The following NPSR1 variants were observed in gnomAD, a reference collection of about 807,000 sequenced individuals.
NPSR1 encodes neuropeptide S receptor.
A neutral mutation model predicts 46.9 loss-of-function variants in NPSR1; 48 were observed. The observed-to-expected ratio is 1.02, with a 90% CI of 0.81 to 1.30. The LOEUF (loss-of-function observed/expected upper bound fraction) is 1.30. Among genes scored for constraint, NPSR1 ranks in the 50% most tolerant of loss-of-function variants. The pLI is 0.00. For missense variants in NPSR1, 450 were observed against 449.5 expected (o/e 1.00, Z -0.01); for synonymous variants, 176 against 168.1 (o/e 1.05, Z -0.36).
In NPSR1 at chr7:34,868,771, G is replaced by T. The variant is rs528304444; in HGVS notation, c.1026-9305G>T. On this transcript the variant is annotated intron_variant, in intron 8 of 8. Transcript: ENST00000359791. ...ATGGACTCCCGTTTAAACCCTGGGG[G>T]CAGGCAGGCAGGGTCACTAGAAGTC... Among the ~76,000 whole-genome samples the T allele has an allele frequency of 2.6e-3, 396 of 151,762 alleles. 11 individuals carry two copies. Among genetic ancestry groups the T allele is most frequent in the African/African-American group, 8.4e-3 (345 of 41,048 alleles).
chr7:34,835,746 C>G (rs1790335236), intron 6 of NPSR1, among the ~76,000 whole-genome samples: 1 of 152,170 alleles, frequency 6.6e-6, no homozygotes, highest in African/African-American at 2.4e-5. Context: ...GGTACAGGGA[C>G]TGGAAATGAC....
At chr7:34,705,158 G>A (rs1197197543) in intron 2 of NPSR1, among the ~76,000 whole-genome samples, 5 of 152,030 alleles carry the variant, frequency 3.3e-5, no homozygotes, top group Admixed American at 6.6e-5. Context: ...TGGACGTGGT[G>A]GCTCATGCTT....
chr7:34,663,424 C>T (rs752643676), intron 1 of NPSR1, among the ~76,000 whole-genome samples: 1 of 152,110 alleles, frequency 6.6e-6, no homozygotes, highest in African/African-American at 2.4e-5. Flanking sequence ...ATCTCTGGCC[C>T]TCTCTCATCC....
chr7:34,821,075 T>TG (rs990972603), intron 4 of NPSR1, among the ~76,000 whole-genome samples: 1 of 151,220 alleles, frequency 6.6e-6, no homozygotes. Flanking sequence ...TTCGGAAGGT[T>TG]GGGGGGCCTT....
intron 4 of NPSR1, among the ~76,000 whole-genome samples, chr7:34,822,289 G>A (rs568580148): frequency 1.3e-5 from 2 of 152,290 alleles, no homozygotes; most frequent in Non-Finnish European, 1.5e-5. Flanking sequence ...AGAGAAAGCC[G>A]TAGAAAGAAG....
intron 2 of NPSR1, among the ~76,000 whole-genome samples, chr7:34,733,058 A>G (rs1784501161): frequency 6.6e-6 from 1 of 152,266 alleles, no homozygotes; most frequent in South Asian, 2.1e-4. Context: ...TTGCTCATCA[A>G]CTTAAAAATT....
chr7:34,694,069 A>T (rs1237677443), intron 2 of NPSR1, among the ~76,000 whole-genome samples: 1 of 152,206 alleles, frequency 6.6e-6, no homozygotes, highest in Non-Finnish European at 1.5e-5. Context: ...AATTGAAAGC[A>T]TTATCCCTAA....
chr7:34,815,377 G>A (rs1456384123), intron 4 of NPSR1, among the ~76,000 whole-genome samples: 1 of 152,104 alleles, frequency 6.6e-6, no homozygotes, highest in Admixed American at 6.5e-5. Flanking sequence ...AGAGAAAAAA[G>A]ATTAAAAAGA....
At chr7:34,779,790 A>T (rs1787151618) in intron 3 of NPSR1, 1 of 265,396 alleles carries the variant, frequency 3.8e-6, no homozygotes, top group Non-Finnish European at 7.5e-6. Context: ...CTGATACACA[A>T]ATTATGACAA....
intron 1 of NPSR1, among the ~76,000 whole-genome samples, chr7:34,669,937 G>A (rs1282987995): frequency 6.6e-6 from 1 of 152,332 alleles, no homozygotes; most frequent in East Asian, 1.9e-4. Context: ...TCGAATTTAA[G>A]ATAGCATTAA....
intron 2 of NPSR1, among the ~76,000 whole-genome samples, chr7:34,749,904 T>C (rs142764089): frequency 1.6e-3 from 240 of 152,310 alleles, no homozygotes; most frequent in African/African-American, 5.6e-3. Flanking sequence ...CTATCCAATA[T>C]TGTTCCTGGA....
intron 6 of NPSR1, among the ~76,000 whole-genome samples, chr7:34,840,374 T>TGTCA (rs1212092830): frequency 6.6e-5 from 10 of 152,176 alleles, no homozygotes; most frequent in Admixed American, 6.5e-4. Context: ...TCTAGCCACT[T>TGTCA]GTCAGCATCT....
chr7:34,843,518 CA>C (rs1206562967), intron 6 of NPSR1, among the ~76,000 whole-genome samples: 1 of 152,246 alleles, frequency 6.6e-6, no homozygotes, highest in Non-Finnish European at 1.5e-5. Flanking sequence ...TTCGCAGGGA[CA>C]TTCAAACCAT....
intron 3 of NPSR1, among the ~76,000 whole-genome samples, chr7:34,802,976 C>T (rs971941082): frequency 4.7e-5 from 7 of 150,430 alleles, no homozygotes; most frequent in South Asian, 4.2e-4. Context: ...ATGCTCACCA[C>T]CACTGGCCAT....
chr7:34,804,581 A>T (rs1562741854), intron 3 of NPSR1, among the ~76,000 whole-genome samples: 1 of 152,120 alleles, frequency 6.6e-6, no homozygotes, highest in Non-Finnish European at 1.5e-5. Context: ...TTTAATGGCA[A>T]GAAATTAGGT....
In NPSR1 at chr7:34,658,345, G is replaced by A; in HGVS notation, c.-68G>A. The A allele has an allele frequency of 6.4e-7, 1 of 1,572,916 alleles. No homozygotes were observed. Among genetic ancestry groups the A allele is most frequent in the Non-Finnish European group, 8.7e-7 (1 of 1,152,014 alleles). ...AGCTGCAGCTGCTGCCCAGCTCTCA[G>A]GAGGCAAGCTGGACTCCCTCACTCA... On this transcript the variant is annotated 5_prime_UTR_variant, in exon 1 of 9. Transcript: ENST00000360581.
intron 8 of NPSR1, among the ~76,000 whole-genome samples, chr7:34,868,479 A>T (rs1285451590): frequency 1.3e-5 from 2 of 151,758 alleles, no homozygotes; most frequent in African/African-American, 4.9e-5. Context: ...AGGAAAGGGA[A>T]TGAGATCTGG....
intron 8 of NPSR1, among the ~76,000 whole-genome samples, chr7:34,872,400 C>T (rs530703056): frequency 6.6e-6 from 1 of 151,976 alleles, no homozygotes; most frequent in South Asian, 2.1e-4. Flanking sequence ...GGCCTTTTTC[C>T]CATTCTCTCA....
At chr7:34,820,317 A>G (rs1789490370) in intron 4 of NPSR1, among the ~76,000 whole-genome samples, 1 of 152,176 alleles carries the variant, frequency 6.6e-6, no homozygotes, top group African/African-American at 2.4e-5. Context: ...AGTTAATTTT[A>G]AAAATAGAAA....
Sources: gnomAD v4.1 joint callset for allele counts (sites outside exome capture counted in the v4.1 genomes callset) on GRCh38, gnomAD v4.1.1 for gene constraint, MANE v1.5 for transcripts, NCBI Gene and HGNC (gene_info 2026-07-23, HGNC 2026-07-21) for gene names.